NXNL2: variants seen among roughly 807,000 people sequenced by gnomAD.
The protein encoded by NXNL2 is nucleoredoxin like 2.
Under a neutral mutation model 11.1 loss-of-function variants are expected in NXNL2, and 7 were observed. The ratio of observed to expected loss-of-function variants is 0.63; its 90% CI spans 0.36 to 1.18. The LOEUF (loss-of-function observed/expected upper bound fraction) is 1.18, where lower values mean the gene tolerates loss of function less well. Ranked by LOEUF, NXNL2 falls within the 50% of genes most tolerant of loss-of-function variation. NXNL2 has a pLI of 0.02. For missense variants in NXNL2, 233 were observed against 217.7 expected (o/e 1.07, Z -0.44); for synonymous variants, 109 against 101.8 (o/e 1.07, Z -0.42).
chr9:88,540,370 A>G (rs1266372761), intron 1 of NXNL2, among the ~76,000 whole-genome samples: 6 of 151,372 alleles, frequency 4.0e-5, no homozygotes, highest in African/African-American at 1.2e-4. Flanking sequence ...AGGATTCTTA[A>G]GATGCTAGAG....
At chr9:88,560,790 A>G (rs573969890) in intron 1 of NXNL2, among the ~76,000 whole-genome samples, 1 of 152,242 alleles carries the variant, frequency 6.6e-6, no homozygotes, top group African/African-American at 2.4e-5. Flanking sequence ...CAAGCCTGGG[A>G]ATGTTGAACG....
downstream of NXNL2, among the ~76,000 whole-genome samples, chr9:88,578,637 C>T: frequency 6.6e-6 from 1 of 152,220 alleles, no homozygotes. Context: ...GCCGCCGGCC[C>T]GGCCTACCAA....
In NXNL2 at chr9:88,535,554, G is replaced by A. The variant is rs1829590614; in HGVS notation, c.120G>A (p.Pro40=). The A allele has an allele frequency of 3.7e-6, 6 of 1,608,012 alleles. No homozygotes were observed. Among genetic ancestry groups the A allele is most frequent in the Admixed American group, 1.7e-5 (1 of 59,658 alleles). Reference sequence around the variant, plus strand: ...ACTTCGCGGCGGCCCGGTGCGCGCCGAGCCGCGACTTCACGCCGCTGCTCT... The same window carrying A: ...ACTTCGCGGCGGCCCGGTGCGCGCCAAGCCGCGACTTCACGCCGCTGCTCT... The part of the protein sequence containing the change: ...ALYFAAARCA[P]SRDFTPLLCD... Residue 40 remains proline, a synonymous_variant, in exon 1 of 2, where the codon CCG becomes CCA. Coordinates refer to ENST00000375854, the MANE Select transcript of NXNL2 (RefSeq NM_001161625.2).
In NXNL2 at chr9:88,552,732, G is replaced by C. The variant is rs569964528; in HGVS notation, c.302+16996G>C. 1.7e-4 allele frequency among the ~76,000 whole-genome samples: 26 copies of C among 152,276 alleles called. No individual in the cohort carries two copies. In the East Asian group the frequency reaches 5.0e-3, roughly 29 times the overall value. ...GATCCGCCCACCTCAGCCTCCCAAA[G>C]TGCTGGGATTACAGGCATGAGCCAC... On this transcript the variant is annotated intron_variant, in intron 1 of 2. Coordinates refer to the NXNL2 transcript ENST00000375855.
downstream of NXNL2, chr9:88,584,372 C>T (rs186140668): frequency 2.6e-5 from 4 of 152,270 alleles, no homozygotes; most frequent in Admixed American, 2.6e-4. Flanking sequence ...GAGGAAAAGC[C>T]ATGCAAGAAC....
chr9:88,558,596 TG>T (rs1204329963), intron 1 of NXNL2, among the ~76,000 whole-genome samples: 8 of 152,026 alleles, frequency 5.3e-5, no homozygotes, highest in African/African-American at 1.9e-4. Context: ...GGGGCTTGGT[TG>T]GTGTCTGAAG....
chr9:88,577,635 G>GAGAA (rs1449156031), downstream of NXNL2, among the ~76,000 whole-genome samples: 1 of 151,528 alleles, frequency 6.6e-6, no homozygotes, highest in Middle Eastern at 3.2e-3. Context: ...GAGAGAGAGA[G>GAGAA]AGAGAGAGAG....
Position 88,535,299 on chromosome 9 carries a change from T to TG in NXNL2, c.-132dup. On this transcript the variant is annotated 5_prime_UTR_variant, in exon 1 of 2. Coordinates refer to ENST00000375854, the MANE Select transcript of NXNL2 (RefSeq NM_001161625.2). ...GGCCTGGCCAAGGTGTGGGCGCATC[T>TG]GGGGCAGGTCTTGAGAGGTCCAGCG... is the stretch of plus-strand genomic sequence containing the variant. The TG allele has an allele frequency of 1.2e-6, 1 of 815,628 alleles. No homozygotes were observed. The highest frequency in any genetic ancestry group is 1.9e-6 in the Non-Finnish European group (1 of 539,738). 50.5% of individuals were successfully genotyped at this position (815,628 alleles called of 1,614,324 possible).
At chr9:88,558,140 A>G (rs900568366) in intron 1 of NXNL2, among the ~76,000 whole-genome samples, 4 of 152,166 alleles carry the variant, frequency 2.6e-5, no homozygotes, top group Non-Finnish European at 5.9e-5. Context: ...GGAACCAACC[A>G]TGTGGTCAGA....
intron 1 of NXNL2, among the ~76,000 whole-genome samples, chr9:88,565,236 C>T (rs571183402): frequency 1.3e-5 from 2 of 152,302 alleles, no homozygotes; most frequent in East Asian, 3.9e-4. Context: ...TATGTGTGTA[C>T]CACATGTTTT....
intron 1 of NXNL2, among the ~76,000 whole-genome samples, chr9:88,550,079 A>G (rs1418954480): frequency 3.3e-5 from 5 of 152,052 alleles, no homozygotes. Flanking sequence ...CGGCCTCCCA[A>G]AGGTCTGGGA....
chr9:88,578,281 G>A (rs578124601), downstream of NXNL2, among the ~76,000 whole-genome samples: 1 of 152,238 alleles, frequency 6.6e-6, no homozygotes, highest in African/African-American at 2.4e-5. Context: ...AGGTGGAGAC[G>A]GGCACAGCGG....
At chr9:88,566,777 AG>A (rs1226837264) in intron 1 of NXNL2, among the ~76,000 whole-genome samples, 1 of 152,062 alleles carries the variant, frequency 6.6e-6, no homozygotes, top group Non-Finnish European at 1.5e-5. Flanking sequence ...CTTTCATCAA[AG>A]TTTTGTAGTT....
chr9:88,536,600 AT>A, intron 1 of NXNL2, among the ~76,000 whole-genome samples: 1 of 152,128 alleles, frequency 6.6e-6, no homozygotes. Context: ...ACAGCCTCAC[AT>A]TTCTGGAGAT....
Position 88,535,248 on chromosome 9 carries a change from A to T in NXNL2, c.-187A>T, listed in dbSNP as rs905225244. On this transcript the variant is annotated 5_prime_UTR_variant, in exon 1 of 2. Coordinates refer to ENST00000375854, the MANE Select transcript of NXNL2 (RefSeq NM_001161625.2). ...GTCTGAGTGTCTCATTGTCGGCGCG[A>T]ACACAATTGCTCCAGCCACAGGCGA... 9 of 576,506 alleles carry T rather than the reference A, an allele frequency of 1.6e-5. No individual in the cohort carries two copies. The South Asian group carries it at 2.0e-4, about 13-fold the overall frequency. The allele number at this position is 576,506 out of a possible 1,614,324, so 35.7% of individuals were successfully genotyped here. A position where few individuals can be genotyped will look rare whatever the true frequency, so the allele number is the denominator to read the frequency against.
chr9:88,547,460 A>G (rs1448833671), downstream of NXNL2, among the ~76,000 whole-genome samples: 1 of 152,212 alleles, frequency 6.6e-6, no homozygotes, highest in African/African-American at 2.4e-5. Context: ...ACACACAGAC[A>G]CAGACATTCC....
chr9:88,550,806 G>A (rs1378229630), intron 1 of NXNL2, among the ~76,000 whole-genome samples: 1 of 152,132 alleles, frequency 6.6e-6, no homozygotes, highest in East Asian at 1.9e-4. Flanking sequence ...TTTCCATTTG[G>A]TATGGTCCAG....
At chr9:88,579,650 C>G (rs1489786156), downstream of NXNL2, among the ~76,000 whole-genome samples, 1 of 152,176 alleles carries the variant, frequency 6.6e-6, no homozygotes, top group African/African-American at 2.4e-5. Context: ...CCACACACCT[C>G]TTTTCTAGGG....
chr9:88,555,687 C>T (rs1368988924), intron 1 of NXNL2, among the ~76,000 whole-genome samples: 3 of 152,164 alleles, frequency 2.0e-5, no homozygotes, highest in African/African-American at 7.2e-5. Flanking sequence ...GCCGCTTTGC[C>T]AGCTGGAAAC....
Sources: gnomAD v4.1 joint callset for allele counts (sites outside exome capture counted in the v4.1 genomes callset) on GRCh38, gnomAD v4.1.1 for gene constraint, MANE v1.5 for transcripts, NCBI Gene and HGNC (gene_info 2026-07-23, HGNC 2026-07-21) for gene names.